Variants in TRAF4 observed in about 807,000 individuals in gnomAD.
The protein encoded by TRAF4 is TNF receptor-associated factor 4.
TRAF4 carries 9 observed loss-of-function variants against 47.3 expected under a neutral mutation model. That is an observed-to-expected ratio of 0.19 (90% confidence interval 0.11 to 0.33). The LOEUF (loss-of-function observed/expected upper bound fraction) is 0.33, where lower values mean the gene tolerates loss of function less well. TRAF4 is among the 10% of genes least tolerant of loss of function. The pLI is 1.00. For missense variants in TRAF4, 448 were observed against 620.3 expected, an observed-to-expected ratio of 0.72 and a Z score of 2.95; for synonymous variants, 236 against 236.9, an observed-to-expected ratio of 1.00 and a Z score of 0.04.
chr17:28,746,288 C>CT (rs2034511721), intron 1 of TRAF4, among the ~76,000 whole-genome samples: 4 of 152,182 alleles, frequency 2.6e-5, no homozygotes, highest in African/African-American at 9.6e-5. Context: ...CTGAGCCATG[C>CT]CAGGCATGTG....
Position 28,748,332 on chromosome 17 carries a change from G to C in TRAF4, c.533G>C (p.Arg178Pro), listed in dbSNP as rs145159053. 1 of 1,613,540 alleles carries C rather than the reference G, an allele frequency of 6.2e-7. No individual in the cohort carries two copies. The highest frequency in any genetic ancestry group is 1.7e-5 in the Admixed American group (1 of 59,992). Residue 178 changes from arginine to proline, a missense_variant, in exon 5 of 7, where the codon CGG (arginine) becomes CCG (proline). Physicochemically the swap from Arg to Pro is moderately radical, Grantham distance 103 (BLOSUM62 -2). Transcript: ENST00000262395. ...ENKCGARMMRRLLAQHATSEC... is the reference protein window; with the variant it reads ...ENKCGARMMRPLLAQHATSEC... ...AAGTGTGGTGCCCGCATGATGCGGC[G>C]GCTGCTGGCCCAGCATGCCACCTCT...
In TRAF4 at chr17:28,744,215, G is replaced by A; in HGVS notation, c.103G>A (p.Gly35Ser). 6.3e-7 allele frequency: 1 copy of A among 1,584,052 alleles called. No homozygotes were observed. Among genetic ancestry groups the A allele is most frequent in the Non-Finnish European group, 8.5e-7 (1 of 1,170,654 alleles). The part of the protein sequence containing the change: ...MREPVQVSTC[G>S]HRFCDTCLQE... ...CGAGCCTGTGCAGGTTTCCACCTGC[G>A]GCCACCGTTTCTGCGATACCTGCCT... The change falls in exon 1 of 7, where the codon GGC becomes AGC. Residue 35 changes from glycine to serine, a missense_variant. Coordinates refer to ENST00000262395, the MANE Select transcript of TRAF4 (RefSeq NM_004295.4).
chr17:28,749,390 A>G lies in TRAF4; in HGVS notation c.1226A>G (p.His409Arg), dbSNP rs2034567451. ...AKPQHVTETF[H>R]PDPNWKNFQK... is the part of the protein sequence containing the mutation. ...CCACAGCACGTCACTGAGACCTTCC[A>G]CCCCGACCCAAACTGGAAGAATTTC... The change falls in exon 7 of 7, where the codon CAC becomes CGC. Residue 409 changes from histidine to arginine, a missense_variant. Transcript: ENST00000262395. 6.2e-7 allele frequency: 1 copy of G among 1,613,666 alleles called. No homozygotes were observed. Among genetic ancestry groups the G allele is most frequent in the Non-Finnish European group, 8.5e-7 (1 of 1,179,972 alleles).
Position 28,748,571 on chromosome 17 carries a change from A to C in TRAF4, c.685A>C (p.Thr229Pro). ...CTGCCCCAACCAATGTGGTGTGGGC[A>C]CTGTGGCTCGGGAGGACCTGCCAGG... ...VACPNQCGVG[T>P]VAREDLPGHL... is the part of the protein sequence containing the mutation. Residue 229 changes from threonine (T) to proline (P), a missense_variant, in exon 6 of 7, where the codon ACT becomes CCT. Physicochemically the swap from Thr to Pro is conservative, Grantham distance 38. Transcript: ENST00000262395. 6.2e-7 allele frequency: 1 copy of C among 1,613,476 alleles called. No homozygotes were observed. Among genetic ancestry groups the C allele is most frequent in the Non-Finnish European group, 8.5e-7 (1 of 1,179,978 alleles).
intron 1 of TRAF4, among the ~76,000 whole-genome samples, chr17:28,746,298 G>C (rs1035675545): frequency 2.6e-5 from 4 of 152,254 alleles, no homozygotes; most frequent in African/African-American, 9.6e-5. Flanking sequence ...CCAGGCATGT[G>C]TGACTGGCCC....
In TRAF4 at chr17:28,748,929, G is replaced by T; in HGVS notation, c.781-16G>T. 1 of 1,600,186 alleles carries T rather than the reference G, an allele frequency of 6.2e-7. No individual in the cohort carries two copies. Among genetic ancestry groups the T allele is most frequent in the Non-Finnish European group, 8.5e-7 (1 of 1,173,440 alleles). On this transcript the variant is annotated splice_polypyrimidine_tract_variant and intron_variant, in intron 6 of 6. Coordinates refer to ENST00000262395, the MANE Select transcript of TRAF4 (RefSeq NM_004295.4). ...ACTCTCCTCCCTTCCCCCATGGCCT[G>T]GGGCTTTGCCAACAGTGCCCTAAGC... is the stretch of plus-strand genomic sequence containing the variant.
intron 6 of TRAF4, 50 bp downstream of exon 6, chr17:28,748,716 A>G: frequency 6.3e-7 from 1 of 1,591,486 alleles, no homozygotes; most frequent in Non-Finnish European, 8.5e-7. Flanking sequence ...GAAGCCCTAG[A>G]CAGAGGCTCA....
chr17:28,746,849 G>C (rs1012941731), intron 1 of TRAF4: 18 of 195,662 alleles, frequency 9.2e-5, no homozygotes, highest in Non-Finnish European at 1.7e-4. Context: ...CTCCCAGTCA[G>C]CTTTCAGCGC....
chr17:28,744,042 T>A lies in TRAF4; in HGVS notation c.-71T>A. On this transcript the variant is annotated 5_prime_UTR_variant, in exon 1 of 7. Transcript: ENST00000262395. ...CGCCGCCCGGAGCCGGGAGCGCCGC[T>A]CCAGCGAGGCGCGGGCTGTGGGGCC... 8 of 1,081,012 alleles carry A rather than the reference T, an allele frequency of 7.4e-6. No homozygotes were observed. The highest frequency in any genetic ancestry group is 8.9e-6 in the Non-Finnish European group (8 of 894,872). The allele number at this position is 1,081,012 out of a possible 1,614,324, so 67.0% of individuals were successfully genotyped here.
In TRAF4 at chr17:28,749,535, C is replaced by T. The variant is rs1290025432; in HGVS notation, c.1371C>T (p.Phe457=). The T allele has an allele frequency of 4.3e-6, 7 of 1,613,594 alleles. No individual in the cohort carries two copies. The highest frequency in any genetic ancestry group is 5.9e-6 in the Non-Finnish European group (7 of 1,180,008). ...KRNYVRDDAV[F]IRAAVELPRK... is the part of the protein sequence containing the mutation. ...ACTATGTGCGGGATGATGCAGTCTT[C>T]ATCCGTGCTGCTGTTGAACTGCCCC... The change falls in exon 7 of 7, where the codon TTC becomes TTT. Residue 457 remains phenylalanine, a synonymous_variant. Coordinates refer to ENST00000262395, the MANE Select transcript of TRAF4 (RefSeq NM_004295.4).
At chr17:28,747,499 C>T (rs968349954) in intron 2 of TRAF4, 23 of 586,700 alleles carry the variant, frequency 3.9e-5, no homozygotes, top group East Asian at 2.6e-4. Flanking sequence ...GCTCTGTGCC[C>T]GCAAGAAGTG....
At chr17:28,745,356 C>G (rs2034495070) in intron 1 of TRAF4, 1 of 152,570 alleles carries the variant, frequency 6.6e-6, no homozygotes, top group African/African-American at 2.4e-5. Context: ...GCCCCCTCCC[C>G]CTCGGCAGTG....
chr17:28,744,363 C>A, intron 1 of TRAF4, 108 bp downstream of exon 1: 1 of 1,339,076 alleles, frequency 7.5e-7, no homozygotes, highest in South Asian at 1.3e-5. Context: ...CGCTGCGACC[C>A]TGTGACCTCA....
At chr17:28,744,803 A>G (rs982144512) in intron 1 of TRAF4, 1 of 153,898 alleles carries the variant, frequency 6.5e-6, no homozygotes, top group Non-Finnish European at 1.5e-5. Flanking sequence ...TGATCACACA[A>G]TGGAGGAAGG....
At chr17:28,745,319 A>T (rs1260268283) in intron 1 of TRAF4, 1 of 152,414 alleles carries the variant, frequency 6.6e-6, no homozygotes, top group African/African-American at 2.4e-5. Flanking sequence ...CTGCCCTCAC[A>T]TATGCTCCGG....
chr17:28,747,159 AG>A, intron 1 of TRAF4, 53 bp from the exon 2 acceptor site: 2 of 1,588,132 alleles, frequency 1.3e-6, no homozygotes, highest in Admixed American at 1.7e-5. Context: ...GGGTGGGGCC[AG>A]GCCTCCCTTT....
intron 1 of TRAF4, 183 bp from the exon 2 acceptor site, chr17:28,747,030 G>T (rs1191079177): frequency 1.8e-6 from 1 of 558,590 alleles, no homozygotes; most frequent in Non-Finnish European, 3.0e-6. Context: ...CAGGACAGGG[G>T]CTGGGGTCTT....
At chr17:28,745,482 C>G (rs2034497888) in intron 1 of TRAF4, 1 of 152,290 alleles carries the variant, frequency 6.6e-6, no homozygotes, top group Non-Finnish European at 1.5e-5. Flanking sequence ...AGCTGACCCA[C>G]CCTGACTGCC....
Position 28,744,263 on chromosome 17 carries a change from C to A in TRAF4, c.143+8C>A, listed in dbSNP as rs776138899. Reference sequence around the variant, plus strand: ...CCTGCAGGAGTTCCTCAGGTGCTGGCCGGGGAGCAGGGGACAGCGGGGGCG... The same window carrying A: ...CCTGCAGGAGTTCCTCAGGTGCTGGACGGGGAGCAGGGGACAGCGGGGGCG... On this transcript the variant is annotated splice_region_variant and intron_variant, in intron 1 of 6. Coordinates refer to ENST00000262395, the MANE Select transcript of TRAF4 (RefSeq NM_004295.4). 3.3e-6 allele frequency: 3 copies of A among 905,604 alleles called. No individual in the cohort carries two copies. The South Asian group carries it at 3.9e-5, about 12-fold the overall frequency. The allele number at this position is 905,604 out of a possible 1,614,324, so 56.1% of individuals were successfully genotyped here. A position where few individuals can be genotyped will look rare whatever the true frequency, so the allele number is the denominator to read the frequency against.
Sources: allele counts gnomAD v4.1 joint callset (sites outside exome capture counted in the v4.1 genomes callset), GRCh38; gene constraint gnomAD v4.1.1; transcripts MANE v1.5; gene names NCBI Gene and HGNC (gene_info 2026-07-23, HGNC 2026-07-21).